The following KLK4 variants were observed in gnomAD, a reference collection of about 807,000 sequenced individuals.
The protein encoded by KLK4 is kallikrein related peptidase 4, also known as kallikrein-4.
In KLK4, 24 loss-of-function variants were observed where a neutral mutation model predicts 24.3. That is an observed-to-expected ratio of 0.99 (90% CI 0.72 to 1.39). The LOEUF (loss-of-function observed/expected upper bound fraction) is 1.39. KLK4 is among the 40% of genes most tolerant of loss of function. The probability of loss-of-function intolerance (pLI) is 0.00; values close to 1 mark genes in which losing one functional copy is unlikely to be tolerated. For synonymous variants in KLK4, 142 were observed against 138.8 expected (o/e 1.02, Z -0.16); for missense variants, 344 against 327.4 (o/e 1.05, Z -0.39).
chr19:50,907,571 T>C (rs1054448010), intron 5 of KLK4, among the ~76,000 whole-genome samples: 13 of 152,082 alleles, frequency 8.5e-5, no homozygotes, highest in Admixed American at 2.0e-4. Flanking sequence ...CATATCCAGC[T>C]AACTTTTGTA....
At chr19:50,909,159 C>T (rs2090463035) in intron 3 of KLK4, 93 bp downstream of exon 3, 4 of 1,605,330 alleles carry the variant, frequency 2.5e-6, no homozygotes, top group African/African-American at 1.3e-5. Context: ...GAGCCTTCAC[C>T]GCTGTTTCCC....
At position 50,909,203 on chromosome 19, in the gene KLK4, C is replaced by T. The variant is rs748234315; in HGVS notation, c.224+49G>A. ...CCCCAAGATGAGCCTGATATTAGGCCCCGCCCCCGGACCCAGGCCCTGCCC... is the reference window on the plus strand; with the variant it reads ...CCCCAAGATGAGCCTGATATTAGGCTCCGCCCCCGGACCCAGGCCCTGCCC... On this transcript the variant is annotated intron_variant, in intron 3 of 5. Transcript: ENST00000324041. The T allele has an allele frequency of 9.3e-6, 15 of 1,613,550 alleles. No homozygotes were observed. The Admixed American group carries it at 2.0e-4, about 22-fold the overall frequency.
At chr19:50,907,864 A>T (rs1437812076) in intron 5 of KLK4, 1 of 242,626 alleles carries the variant, frequency 4.1e-6, no homozygotes, top group Non-Finnish European at 8.1e-6. Flanking sequence ...ACACATTAGA[A>T]AAATTTTAGG....
chr19:50,908,833 TG>T lies in KLK4; in HGVS notation c.225-5del. The T allele has an allele frequency of 6.2e-7, 1 of 1,611,532 alleles. No homozygotes were observed. The highest frequency in any genetic ancestry group is 8.5e-7 in the Non-Finnish European group (1 of 1,179,992). ...GCCCAGCCCGATGGTGTAGGAGCTG[TG>T]GGCCACGGAGGGCAGGTCAGTTTTG... On this transcript the variant is annotated splice_region_variant and splice_polypyrimidine_tract_variant and intron_variant, in intron 3 of 5. Coordinates refer to ENST00000324041, the Ensembl canonical transcript of KLK4.
At chr19:50,909,090 G>C in intron 3 of KLK4, 162 bp downstream of exon 3, 1 of 1,426,872 alleles carries the variant, frequency 7.0e-7, no homozygotes, top group Non-Finnish European at 9.1e-7. Flanking sequence ...CAAGATTCCC[G>C]CCTCCCAGCC....
chr19:50,910,619 A>G lies in KLK4; in HGVS notation c.61+59T>C, dbSNP rs373534595. 5.0e-5 allele frequency: 73 copies of G among 1,463,320 alleles called. No homozygotes were observed. Among genetic ancestry groups the G allele is most frequent in the Non-Finnish European group, 6.8e-5 (73 of 1,066,780 alleles). The allele number at this position is 1,463,320 out of a possible 1,614,324, so 90.6% of individuals were successfully genotyped here. A position where few individuals can be genotyped will look rare whatever the true frequency, so the allele number is the denominator to read the frequency against. On this transcript the variant is annotated intron_variant, in intron 2 of 5. Transcript: ENST00000324041. The surrounding 1 kb of genome is among the most constrained non-coding windows in gnomAD (Gnocchi z 4.4). ...CAAGAGGACACTGAGTCACACCTGA[A>G]CATTAACAAACACTGTGCCCCCAAG...
chr19:50,908,845 G>A lies in KLK4; in HGVS notation c.225-16C>T. 1 of 1,609,578 alleles carries A rather than the reference G, an allele frequency of 6.2e-7. No individual in the cohort carries two copies. The highest frequency in any genetic ancestry group is 8.5e-7 in the Non-Finnish European group (1 of 1,179,974). ...GGTGTAGGAGCTGTGGGCCACGGAG[G>A]GCAGGTCAGTTTTGTGGCAACTACA... On this transcript the variant is annotated splice_polypyrimidine_tract_variant and intron_variant, in intron 3 of 5. Transcript: ENST00000324041.
chr19:50,910,838 C>T lies in KLK4; in HGVS notation c.-11-89G>A. 1.7e-6 allele frequency: 2 copies of T among 1,181,020 alleles called. No individual in the cohort carries two copies. Among genetic ancestry groups the T allele is most frequent in the Non-Finnish European group, 2.5e-6 (2 of 811,884 alleles). 73.2% of individuals were successfully genotyped at this position (1,181,020 alleles called of 1,614,324 possible). On this transcript the variant is annotated intron_variant, in intron 1 of 5. Coordinates refer to ENST00000324041, the Ensembl canonical transcript of KLK4. This position sits in a 1 kb window ranked among gnomAD's most constrained non-coding sequence, Gnocchi z 4.4. The stretch of plus-strand genomic sequence containing the variant: ...CTCTTTGTCCCTCCCTTTCTTCCCT[C>T]TGGGACGTTATTAGGTAGGCAAGAG...
At position 50,910,733 on chromosome 19, in the gene KLK4, G is replaced by A. The variant is rs1041954028; in HGVS notation, c.6C>T (p.Ala2=). 3.2e-6 allele frequency: 5 copies of A among 1,553,236 alleles called. No individual in the cohort carries two copies. In the Admixed American group the frequency reaches 5.9e-5, roughly 18 times the overall value. The change falls in exon 2 of 6, where the codon GCC becomes GCT. Residue 2 remains alanine (A), a synonymous_variant. Coordinates refer to ENST00000324041, the Ensembl canonical transcript of KLK4. This position sits in a 1 kb window ranked among gnomAD's most constrained non-coding sequence, Gnocchi z 4.4. ...ACCAGCCCCAGGGATTTCCTGCTGT[G>A]GCCATCACGTCAGCACCTGGGGATG... is the stretch of plus-strand genomic sequence containing the variant.
At chr19:50,907,118 A>G in intron 5 of KLK4, 32 bp from the exon 6 acceptor site, 1 of 1,612,306 alleles carries the variant, frequency 6.2e-7, no homozygotes, top group Non-Finnish European at 8.5e-7. Flanking sequence ...TCAGAATTCA[A>G]AACACAGAGA....
At chr19:50,907,018 C>G (rs766016393) in exon 6 of KLK4, 40 of 1,614,022 alleles carry the variant, frequency 2.5e-5, no homozygotes, top group Non-Finnish European at 3.4e-5. Context: ...CTTGGCCACA[C>G]GGGGCTTTTC....
exon 6 of KLK4, chr19:50,906,878 A>T (rs2090435216): frequency 6.2e-7 from 1 of 1,607,490 alleles, no homozygotes. Flanking sequence ...ATATTCCTGA[A>T]TTCCTTCCGC....
In KLK4 at chr19:50,911,207, C is replaced by G. The variant is rs2090485428; in HGVS notation, c.-12+132G>C. Reference sequence around the variant, plus strand: ...AGAGACAGTGACTCCTAACTAGAGACAGTGAGAGATCTGTCTAGAGAGATG... The same window carrying G: ...AGAGACAGTGACTCCTAACTAGAGAGAGTGAGAGATCTGTCTAGAGAGATG... On this transcript the variant is annotated intron_variant, in intron 1 of 5. Transcript: ENST00000324041. Among the ~76,000 whole-genome samples, 4 of 152,188 alleles carry G rather than the reference C, an allele frequency of 2.6e-5. No homozygotes were observed. The South Asian group carries it at 8.3e-4, about 32-fold the overall frequency.
chr19:50,911,290 G>A (rs575528837), intron 1 of KLK4, among the ~76,000 whole-genome samples, 49 bp downstream of exon 1: 29 of 152,316 alleles, frequency 1.9e-4, no homozygotes, highest in Non-Finnish European at 3.8e-4. Flanking sequence ...AGGGAGAGTT[G>A]GATCATGAAC....
intron 3 of KLK4, chr19:50,909,034 C>T (rs1039165075): frequency 1.0e-4 from 151 of 1,480,520 alleles, no homozygotes; most frequent in Non-Finnish European, 1.2e-4. Context: ...AGAGACTCAG[C>T]ACTGGGCTGA....
At chr19:50,909,525 C>G in intron 2 of KLK4, 111 bp from the exon 3 acceptor site, 1 of 1,188,964 alleles carries the variant, frequency 8.4e-7, no homozygotes, top group Non-Finnish European at 1.2e-6. Context: ...GTCAGGGCTC[C>G]TCGGGGCGGA....
chr19:50,908,518 A>C, intron 4 of KLK4, 23 bp from the exon 5 acceptor site: 1 of 1,614,198 alleles, frequency 6.2e-7, no homozygotes, highest in Non-Finnish European at 8.5e-7. Flanking sequence ...GCTCTGGGTC[A>C]GCCCCCGCGA....
exon 6 of KLK4, chr19:50,906,762 T>A: frequency 6.9e-6 from 4 of 577,278 alleles, no homozygotes; most frequent in South Asian, 5.1e-5. Context: ...GGGTCTGGAC[T>A]CCTGGGTCTG....
At chr19:50,908,338 C>T (rs370110709) in intron 5 of KLK4, 21 bp downstream of exon 5, 1 of 1,611,386 alleles carries the variant, frequency 6.2e-7, no homozygotes, top group Non-Finnish European at 8.5e-7. Flanking sequence ...GTCGCCTGCC[C>T]TCCCCTTTCC....
Sources: allele counts gnomAD v4.1 joint callset (sites outside exome capture counted in the v4.1 genomes callset), GRCh38; gene constraint gnomAD v4.1.1; non-coding constraint Gnocchi (gnomAD v3.1); transcripts MANE v1.5; gene names NCBI Gene and HGNC (gene_info 2026-07-23, HGNC 2026-07-21).